CNIH3: variants seen among roughly 807,000 people sequenced by gnomAD.
The protein encoded by CNIH3 is cornichon family AMPA receptor auxiliary protein 3.
Under a neutral mutation model 24.1 loss-of-function variants are expected in CNIH3, and 14 were observed. The observed-to-expected ratio is 0.58, with a 90% CI of 0.38 to 0.91. The LOEUF (loss-of-function observed/expected upper bound fraction) is 0.91. Among genes scored for constraint, CNIH3 ranks in the 40% least tolerant of loss-of-function variants. CNIH3 has a pLI of 0.00. For synonymous variants in CNIH3, 68 were observed against 73.8 expected (o/e 0.92, Z 0.40); for missense variants, 178 against 196.8 (o/e 0.90, Z 0.57).
At chr1:224,554,553 T>C (rs1680056934) in intron 3 of CNIH3, among the ~76,000 whole-genome samples, 1 of 152,104 alleles carries the variant, frequency 6.6e-6, no homozygotes, top group South Asian at 2.1e-4. Context: ...TATTATAGTA[T>C]AATAACAGCA....
intron 1 of CNIH3, among the ~76,000 whole-genome samples, chr1:224,485,498 C>T (rs1377298467): frequency 6.6e-6 from 1 of 152,084 alleles, no homozygotes; most frequent in African/African-American, 2.4e-5. Context: ...CCACCGCCCC[C>T]CTTTATTTTT....
At chr1:224,526,094 C>A (rs982868730) in intron 2 of CNIH3, among the ~76,000 whole-genome samples, 21 of 152,182 alleles carry the variant, frequency 1.4e-4, no homozygotes, top group African/African-American at 5.1e-4. Flanking sequence ...GGGAGCACAG[C>A]AGATTCACTT....
upstream of CNIH3, among the ~76,000 whole-genome samples, chr1:224,515,397 T>C (rs910594769): frequency 3.9e-5 from 6 of 152,242 alleles, no homozygotes; most frequent in African/African-American, 1.4e-4. Flanking sequence ...TTAACTGCAA[T>C]GGTTTCATTA....
rs139692275 is a variant in CNIH3 at position 224,577,985 on chromosome 1, C to T, written n.517-5179C>T. Among the ~76,000 whole-genome samples the T allele has an allele frequency of 3.0e-3, 447 of 151,392 alleles. 1 individual carries two copies. The highest frequency in any genetic ancestry group is 0.01 in the African/African-American group (424 of 41,378). On this transcript the variant is annotated intron_variant and non_coding_transcript_variant, in intron 4 of 5. Coordinates refer to the CNIH3 transcript ENST00000471578. ...ACTCAGGAATGGAAAACCAAACATC[C>T]TATGTTCTCACTTATGAGCAGGAGC... is the stretch of plus-strand genomic sequence containing the variant.
rs187149218 is a variant in CNIH3, at chr1:224,489,369, C to T, written n.204-26372C>T. The stretch of plus-strand genomic sequence containing the variant: ...TCAGGATTTCCCCCACTTTGCTTTC[C>T]AGCATCTATATTTCCCTCACATCCC... On this transcript the variant is annotated intron_variant and non_coding_transcript_variant, in intron 1 of 5. Transcript: ENST00000471578. 5.0e-4 allele frequency among the ~76,000 whole-genome samples: 76 copies of T among 152,280 alleles called. 1 individual carries two copies. In the East Asian group the frequency reaches 0.011, roughly 23 times the overall value.
intron 1 of CNIH3, among the ~76,000 whole-genome samples, chr1:224,641,605 C>T (rs760513816): frequency 2.1e-4 from 32 of 152,234 alleles, no homozygotes; most frequent in Non-Finnish European, 4.3e-4. Flanking sequence ...TCTGAGTGGA[C>T]GACGTTGCTA....
chr1:224,435,997 AG>A (rs1031299582), intron 1 of CNIH3: 2 of 152,238 alleles, frequency 1.3e-5, no homozygotes, highest in Admixed American at 1.3e-4. Context: ...CTTTGGAGAC[AG>A]TTGTTTTTAA....
At chr1:224,736,601 G>A (rs114376136) in intron 5 of CNIH3, among the ~76,000 whole-genome samples, 181 of 152,290 alleles carry the variant, frequency 1.2e-3, no homozygotes, top group South Asian at 2.1e-3. Context: ...GACAATCTTG[G>A]TGCACACCTT....
intron 1 of CNIH3, among the ~76,000 whole-genome samples, chr1:224,642,146 C>A (rs1458840965): frequency 6.6e-6 from 1 of 152,204 alleles, no homozygotes; most frequent in African/African-American, 2.4e-5. Context: ...ATAGTAACAG[C>A]TGATATTGAT....
chr1:224,450,508 A>G (rs1185790119), intron 1 of CNIH3, among the ~76,000 whole-genome samples: 1 of 152,202 alleles, frequency 6.6e-6, no homozygotes, highest in Non-Finnish European at 1.5e-5. Context: ...GAGGGAACAG[A>G]TAATACAAAG....
chr1:224,723,324 A>AC (rs139867317), intron 3 of CNIH3, among the ~76,000 whole-genome samples: 3 of 151,710 alleles, frequency 2.0e-5, no homozygotes, highest in East Asian at 1.9e-4. Context: ...GCTGGTTTTG[A>AC]CCCCCCTTCT....
chr1:224,515,386 G>A (rs1678338659), upstream of CNIH3, among the ~76,000 whole-genome samples: 1 of 152,192 alleles, frequency 6.6e-6, no homozygotes, highest in South Asian at 2.1e-4. Context: ...AAAATGTCTT[G>A]TTAACTGCAA....
intron 1 of CNIH3, among the ~76,000 whole-genome samples, chr1:224,438,419 A>G (rs1267181727): frequency 6.6e-6 from 1 of 152,242 alleles, no homozygotes; most frequent in African/African-American, 2.4e-5. Flanking sequence ...CTGAGATAGT[A>G]TAAATGTTTA....
chr1:224,640,586 CA>C (rs1684308028), intron 1 of CNIH3, among the ~76,000 whole-genome samples: 1 of 152,224 alleles, frequency 6.6e-6, no homozygotes, highest in Admixed American at 6.5e-5. Context: ...TCCTCAGCAT[CA>C]CCGCTTTCTC....
At chr1:224,618,989 C>T (rs1041724985) in intron 1 of CNIH3, among the ~76,000 whole-genome samples, 1 of 152,214 alleles carries the variant, frequency 6.6e-6, no homozygotes, top group African/African-American at 2.4e-5. Context: ...TTTAAAGGAA[C>T]TTTCTCAGCT....
chr1:224,667,900 C>T (rs921172988), intron 1 of CNIH3, among the ~76,000 whole-genome samples: 15 of 152,050 alleles, frequency 9.9e-5, no homozygotes, highest in Admixed American at 7.2e-4. Flanking sequence ...TCACTGGTAG[C>T]GTGGATAGAC....
At chr1:224,644,892 G>A (rs147244735) in intron 1 of CNIH3, among the ~76,000 whole-genome samples, 1 of 152,200 alleles carries the variant, frequency 6.6e-6, no homozygotes, top group Non-Finnish European at 1.5e-5. Context: ...TGAGCTGGGG[G>A]CACTGGAGAA....
intron 1 of CNIH3, among the ~76,000 whole-genome samples, chr1:224,641,256 A>G (rs1018502338): frequency 2.6e-5 from 4 of 152,176 alleles, no homozygotes; most frequent in Non-Finnish European, 4.4e-5. Context: ...GGGGAGGGGA[A>G]GAGAAGTTTC....
In CNIH3 at chr1:224,740,244, C is replaced by T. The variant is rs1689801927; in HGVS notation, c.*888C>T. 1 of 152,154 alleles carries T rather than the reference C, an allele frequency of 6.6e-6. No homozygotes were observed. Among genetic ancestry groups the T allele is most frequent in the Non-Finnish European group, 1.5e-5 (1 of 68,034 alleles). 9.4% of individuals were successfully genotyped at this position (152,154 alleles called of 1,614,324 possible). A position where few individuals can be genotyped will look rare whatever the true frequency, so the allele number is the denominator to read the frequency against. On this transcript the variant is annotated 3_prime_UTR_variant, in exon 6 of 6. Transcript: ENST00000272133. ...ATAACTTTGTTTTATGATGCTGCAT[C>T]ATTTGTACTGTTTAGGTCGACGTGA... is the stretch of plus-strand genomic sequence containing the variant.
Sources: gnomAD v4.1 joint callset for allele counts (sites outside exome capture counted in the v4.1 genomes callset) on GRCh38, gnomAD v4.1.1 for gene constraint, MANE v1.5 for transcripts, NCBI Gene and HGNC (gene_info 2026-07-23, HGNC 2026-07-21) for gene names.